NFIB: variants seen among roughly 807,000 people sequenced by gnomAD.
NFIB encodes the protein nuclear factor 1 B-type.
A neutral mutation model predicts 61.5 loss-of-function variants in NFIB; 11 were observed. The observed-to-expected ratio is 0.18, with a 90% CI of 0.11 to 0.30. NFIB has a LOEUF of 0.30. Among genes scored for constraint, NFIB ranks in the 10% least tolerant of loss-of-function variants. The pLI, the probability that NFIB is intolerant of heterozygous loss-of-function variation, is 1.00. For missense variants in NFIB, 471 were observed against 608.9 expected (o/e 0.77, Z 2.38); for synonymous variants, 260 against 216.5 (o/e 1.20, Z -1.76).
At chr9:14,174,065 C>G (rs1170858120) in intron 3 of NFIB, among the ~76,000 whole-genome samples, 3 of 152,286 alleles carry the variant, frequency 2.0e-5, no homozygotes, top group East Asian at 1.9e-4. Flanking sequence ...TCCTCTCTTC[C>G]TTTACTCTGA....
chr9:14,178,502 C>T (rs1325592665), intron 3 of NFIB, among the ~76,000 whole-genome samples: 3 of 152,168 alleles, frequency 2.0e-5, no homozygotes, highest in Admixed American at 1.3e-4. Context: ...ACTTAGCATA[C>T]ATTTTTAAAC....
At chr9:14,143,220 T>G (rs2041944476) in intron 6 of NFIB, among the ~76,000 whole-genome samples, 1 of 152,168 alleles carries the variant, frequency 6.6e-6, no homozygotes. Context: ...AATTTATTAT[T>G]GTAATATGCT....
intron 1 of NFIB, among the ~76,000 whole-genome samples, chr9:14,396,070 C>T (rs954677760): frequency 6.6e-6 from 1 of 152,102 alleles, no homozygotes; most frequent in African/African-American, 2.4e-5. Flanking sequence ...GAGGCTTTTG[C>T]AGCCGATTCC....
intron 2 of NFIB, among the ~76,000 whole-genome samples, chr9:14,197,115 C>A (rs1239459503): frequency 8.5e-5 from 13 of 152,198 alleles, no homozygotes; most frequent in Admixed American, 8.5e-4. Flanking sequence ...CATTACTTTG[C>A]AATCCCGAAA....
intron 2 of NFIB, among the ~76,000 whole-genome samples, chr9:14,300,875 G>C (rs1371739192): frequency 6.6e-6 from 1 of 152,188 alleles, no homozygotes; most frequent in African/African-American, 2.4e-5. Flanking sequence ...GGCTGAGTGA[G>C]AGCTTATGAG....
chr9:14,305,428 A>G (rs1200457869), intron 2 of NFIB, among the ~76,000 whole-genome samples: 1 of 152,198 alleles, frequency 6.6e-6, no homozygotes, highest in Non-Finnish European at 1.5e-5. Context: ...CCCACCTTAA[A>G]GTGTCACCTC....
At chr9:14,110,538 T>C (rs1049145753) in intron 10 of NFIB, among the ~76,000 whole-genome samples, 4 of 152,100 alleles carry the variant, frequency 2.6e-5, no homozygotes, top group African/African-American at 7.2e-5. Context: ...TCATTCATCA[T>C]TGAGTGCTTT....
At chr9:14,182,706 CTCTGTGTGTGTGTG>C (rs2046924952) in intron 2 of NFIB, among the ~76,000 whole-genome samples, 1 of 124,854 alleles carries the variant, frequency 8.0e-6, no homozygotes, top group East Asian at 2.6e-4. Flanking sequence ...CTCTCTCTCT[CTCTGTGTGTGTGTG>C]TGTGTGTGTG....
intron 2 of NFIB, among the ~76,000 whole-genome samples, chr9:14,248,225 T>C (rs886778566): frequency 6.6e-6 from 1 of 151,310 alleles, no homozygotes; most frequent in Non-Finnish European, 1.5e-5. Context: ...CCTCCCTTCC[T>C]TCCATCCTAG....
intron 1 of NFIB, among the ~76,000 whole-genome samples, chr9:14,346,048 G>C (rs56926458): frequency 0.072 from 10,908 of 152,218 alleles, 815 homozygotes; most frequent in African/African-American, 0.19. Context: ...TGTGGGCTGA[G>C]GAGGCACGAC....
chr9:14,416,506 CA>C, the NFIB span, among the ~76,000 whole-genome samples: 32 of 129,688 alleles, frequency 2.5e-4, no homozygotes, highest in East Asian at 6.8e-4. Flanking sequence ...TAGTTTTTAA[CA>C]AAAAAAAAAA....
chr9:14,190,183 T>C (rs941836322), intron 2 of NFIB, among the ~76,000 whole-genome samples: 1 of 152,178 alleles, frequency 6.6e-6, no homozygotes, highest in Non-Finnish European at 1.5e-5. Context: ...TTTTATATCT[T>C]ATGTTACTTA....
intron 2 of NFIB, among the ~76,000 whole-genome samples, chr9:14,231,130 A>AT (rs1563926218): frequency 5.3e-5 from 5 of 94,374 alleles, no homozygotes; most frequent in South Asian, 4.3e-4. Flanking sequence ...GAAAAAAAAA[A>AT]AAAAAATATA....
At chr9:14,295,547 C>T (rs1334178164) in intron 2 of NFIB, among the ~76,000 whole-genome samples, 3 of 152,222 alleles carry the variant, frequency 2.0e-5, no homozygotes, top group Non-Finnish European at 4.4e-5. Flanking sequence ...AGGAGAATGG[C>T]GTGAACCCGG....
chr9:14,172,074 G>A (rs1232817377), intron 3 of NFIB, among the ~76,000 whole-genome samples: 5 of 152,106 alleles, frequency 3.3e-5, no homozygotes, highest in South Asian at 2.1e-4. Context: ...TAAATATTCA[G>A]GAATATGGAA....
At chr9:14,156,394 C>T (rs1408366834) in intron 3 of NFIB, among the ~76,000 whole-genome samples, 1 of 152,188 alleles carries the variant, frequency 6.6e-6, no homozygotes, top group Admixed American at 6.5e-5. Context: ...TCCAGGGTCA[C>T]TAATAACATA....
upstream of NFIB, among the ~76,000 whole-genome samples, chr9:14,318,566 T>C (rs1356534357): frequency 6.8e-6 from 1 of 146,042 alleles, no homozygotes; most frequent in African/African-American, 2.6e-5. Context: ...GGTTCAACTA[T>C]TCTACACACC....
At chr9:14,411,428 G>A in the NFIB span, among the ~76,000 whole-genome samples, 2 of 152,148 alleles carry the variant, frequency 1.3e-5, no homozygotes, top group African/African-American at 2.4e-5. Flanking sequence ...GAGTGGCCAA[G>A]GAATTTAGTA....
chr9:14,191,388 A>C (rs73413816), intron 2 of NFIB, among the ~76,000 whole-genome samples: 2,257 of 152,252 alleles, frequency 0.015, 59 homozygotes, highest in African/African-American at 0.051. Flanking sequence ...AATAAAGAAT[A>C]ACAGAAGCCC....
Sources: allele counts gnomAD v4.1 joint callset (sites outside exome capture counted in the v4.1 genomes callset), GRCh38; gene constraint gnomAD v4.1.1; transcripts MANE v1.5; gene names NCBI Gene and HGNC (gene_info 2026-07-23, HGNC 2026-07-21).